Variants in CSRNP3 observed in about 807,000 individuals in gnomAD.
CSRNP3 encodes the protein cysteine and serine rich nuclear protein 3, also known as cysteine/serine-rich nuclear protein 3.
A neutral mutation model predicts 48.0 loss-of-function variants in CSRNP3; 12 were observed. The ratio of observed to expected loss-of-function variants is 0.25; its 90% CI spans 0.16 to 0.41. The LOEUF is 0.41. CSRNP3 is among the 10% of genes least tolerant of loss of function. The pLI, the probability that CSRNP3 is intolerant of heterozygous loss-of-function variation, is 1.00. For missense variants in CSRNP3, 580 were observed against 724.4 expected, an observed-to-expected ratio of 0.80 and a Z score of 2.29; for synonymous variants, 263 against 269.7, an observed-to-expected ratio of 0.98 and a Z score of 0.24.
chr2:165,595,298 T>C, intron 4 of CSRNP3, 85 bp downstream of exon 4: 2 of 1,264,014 alleles, frequency 1.6e-6, no homozygotes, highest in South Asian at 3.1e-5. Context: ...CCTTTCATGC[T>C]AGCTATATAT....
chr2:165,628,706 G>A lies in CSRNP3; in HGVS notation c.149-29055G>A, dbSNP rs1323350738. Among the ~76,000 whole-genome samples, 7 of 152,128 alleles carry A rather than the reference G, an allele frequency of 4.6e-5. No homozygotes were observed. In the East Asian group the frequency reaches 5.8e-4, roughly 13 times the overall value. On this transcript the variant is annotated intron_variant, in intron 4 of 6. Coordinates refer to ENST00000651982, the MANE Select transcript of CSRNP3 (RefSeq NM_001172173.2). ...GCCATCACACTCCAGCCTGGACAAT[G>A]AGAGCAAAACTCTGTCTCCAAAAAA...
chr2:165,585,140 G>T (rs929525480), intron 3 of CSRNP3, among the ~76,000 whole-genome samples: 1 of 151,452 alleles, frequency 6.6e-6, no homozygotes, highest in Non-Finnish European at 1.5e-5. Flanking sequence ...TTAAACATTT[G>T]TTCAGGTATT....
chr2:165,485,701 C>T (rs980828404), intron 1 of CSRNP3, among the ~76,000 whole-genome samples: 2 of 152,132 alleles, frequency 1.3e-5, no homozygotes, highest in Non-Finnish European at 2.9e-5. Context: ...GTCCATGCCT[C>T]CATCTTCCTA....
At chr2:165,659,849 A>G (rs1294765227) in intron 5 of CSRNP3, among the ~76,000 whole-genome samples, 2 of 152,156 alleles carry the variant, frequency 1.3e-5, no homozygotes, top group Non-Finnish European at 1.5e-5. Context: ...GTGTTTCAAA[A>G]CATCTTGTTT....
At chr2:165,611,161 A>C (rs1217706287) in intron 4 of CSRNP3, among the ~76,000 whole-genome samples, 1 of 152,124 alleles carries the variant, frequency 6.6e-6, no homozygotes, top group Non-Finnish European at 1.5e-5. Context: ...CTAGATTGAA[A>C]ATGTATATTT....
chr2:165,604,947 T>A (rs929210259), intron 4 of CSRNP3, among the ~76,000 whole-genome samples: 1 of 152,204 alleles, frequency 6.6e-6, no homozygotes, highest in Non-Finnish European at 1.5e-5. Flanking sequence ...TCTTCTTATA[T>A]ATTTGCTTTT....
In CSRNP3 at chr2:165,689,006, CA is replaced by C. The variant is rs1452596128; in HGVS notation, c.*9254del. The C allele has an allele frequency of 6.6e-6, 1 of 152,050 alleles. No individual in the cohort carries two copies. The highest frequency in any genetic ancestry group is 2.4e-5 in the African/African-American group (1 of 41,424). The allele number at this position is 152,050 out of a possible 1,614,324, so 9.4% of individuals were successfully genotyped here. A position where few individuals can be genotyped will look rare whatever the true frequency, so the allele number is the denominator to read the frequency against. ...ATCAACTCCAGTCCACACATACAGT[CA>C]TGTTACATTAAGATGTCATGTTGTA... On this transcript the variant is annotated 3_prime_UTR_variant, in exon 7 of 7. Transcript: ENST00000651982.
In CSRNP3 at chr2:165,671,742, T is replaced by A. The variant is rs557540298; in HGVS notation, c.409-4570T>A. On this transcript the variant is annotated intron_variant, in intron 5 of 6. Coordinates refer to ENST00000651982, the MANE Select transcript of CSRNP3 (RefSeq NM_001172173.2). Reference sequence around the variant, plus strand: ...GCAAATTTCTGTGTCAGGCTTGATTTCTCCCCAGGAAATGGGTTTTTCTCT... The same window carrying A: ...GCAAATTTCTGTGTCAGGCTTGATTACTCCCCAGGAAATGGGTTTTTCTCT... Among the ~76,000 whole-genome samples the A allele has an allele frequency of 9.2e-5, 14 of 152,362 alleles. No homozygotes were observed. In the East Asian group the frequency reaches 2.5e-3, roughly 27 times the overall value.
At chr2:165,510,396 A>G (rs1423510872) in intron 2 of CSRNP3, among the ~76,000 whole-genome samples, 1 of 152,074 alleles carries the variant, frequency 6.6e-6, no homozygotes, top group African/African-American at 2.4e-5. Context: ...TGGGATTATA[A>G]TATAATACTA....
At chr2:165,599,338 A>AGAAAGAAAGGAAAAG (rs1558946159) in intron 4 of CSRNP3, among the ~76,000 whole-genome samples, 2 of 149,942 alleles carry the variant, frequency 1.3e-5, no homozygotes, top group African/African-American at 4.9e-5. Context: ...AGGAAAAGAA[A>AGAAAGAAAGGAAAAG]AAAAGAAAGA....
intron 1 of CSRNP3, among the ~76,000 whole-genome samples, chr2:165,472,395 A>T (rs1683907425): frequency 6.6e-6 from 1 of 152,016 alleles, no homozygotes; most frequent in Non-Finnish European, 1.5e-5. Flanking sequence ...ATTTAATATA[A>T]ATCACTGTAA....
intron 6 of CSRNP3, among the ~76,000 whole-genome samples, chr2:165,676,845 C>T (rs115847133): frequency 0.024 from 3,719 of 152,226 alleles, 153 homozygotes; most frequent in African/African-American, 0.085. Context: ...AAAGACAACC[C>T]AAGTAGCAGC....
intron 1 of CSRNP3, among the ~76,000 whole-genome samples, chr2:165,474,503 T>C (rs1423153969): frequency 6.6e-6 from 1 of 152,194 alleles, no homozygotes; most frequent in African/African-American, 2.4e-5. Context: ...CTTTTCATAT[T>C]TTAGTCTTTT....
At chr2:165,510,313 C>T (rs1203344290) in intron 2 of CSRNP3, among the ~76,000 whole-genome samples, 1 of 151,952 alleles carries the variant, frequency 6.6e-6, no homozygotes, top group African/African-American at 2.4e-5. Flanking sequence ...CAGTTTTTCT[C>T]TTCTCTCTCA....
chr2:165,502,620 A>G (rs1684372541), intron 2 of CSRNP3, among the ~76,000 whole-genome samples: 2 of 151,994 alleles, frequency 1.3e-5, no homozygotes, highest in African/African-American at 4.8e-5. Context: ...ACTTCTAATA[A>G]GTGAGTGCAT....
intron 3 of CSRNP3, among the ~76,000 whole-genome samples, chr2:165,552,711 T>A (rs1201279656): frequency 6.6e-6 from 1 of 151,900 alleles, no homozygotes; most frequent in Admixed American, 6.6e-5. Context: ...ATTTTTTTAT[T>A]TTTTTTTGAG....
chr2:165,559,661 A>G lies in CSRNP3; in HGVS notation c.-23-35382A>G, dbSNP rs1323228493. ...TGTCACCATTTAGCTTTGACACATT[A>G]GAATGTAAAATAATACAATTAAGAC... On this transcript the variant is annotated intron_variant, in intron 3 of 6. Coordinates refer to ENST00000651982, the MANE Select transcript of CSRNP3 (RefSeq NM_001172173.2). Among the ~76,000 whole-genome samples, 3 of 152,152 alleles carry G rather than the reference A, an allele frequency of 2.0e-5. No homozygotes were observed. In the East Asian group the frequency reaches 5.8e-4, roughly 29 times the overall value.
At chr2:165,557,189 T>G (rs1168186193) in intron 3 of CSRNP3, among the ~76,000 whole-genome samples, 1 of 152,236 alleles carries the variant, frequency 6.6e-6, no homozygotes, top group Non-Finnish European at 1.5e-5. Context: ...TCATGACACA[T>G]TAAAATTTTA....
intron 3 of CSRNP3, among the ~76,000 whole-genome samples, chr2:165,522,120 A>T (rs991951980): frequency 2.0e-5 from 3 of 152,014 alleles, no homozygotes; most frequent in African/African-American, 7.2e-5. Context: ...GCAAAGCCCC[A>T]TCTCTACAAA....
Sources: allele counts gnomAD v4.1 joint callset (sites outside exome capture counted in the v4.1 genomes callset), GRCh38; gene constraint gnomAD v4.1.1; transcripts MANE v1.5; gene names NCBI Gene and HGNC (gene_info 2026-07-23, HGNC 2026-07-21).